FAM228A: variants seen among roughly 807,000 people sequenced by gnomAD.
FAM228A encodes family with sequence similarity 228 member A, also known as protein FAM228A.
Under a neutral mutation model 18.6 loss-of-function variants are expected in FAM228A, and 13 were observed. That is an observed-to-expected ratio of 0.70 (90% CI 0.45 to 1.11). The LOEUF is 1.11. Among genes scored for constraint, FAM228A ranks in the 50% least tolerant of loss-of-function variants. FAM228A has a pLI of 0.00. For synonymous variants in FAM228A, 77 were observed against 86.6 expected (o/e 0.89, Z 0.61); for missense variants, 240 against 242.2 (o/e 0.99, Z 0.06).
At chr2:24,183,886 C>G (rs1558404207) in intron 5 of FAM228A, among the ~76,000 whole-genome samples, 2 of 152,150 alleles carry the variant, frequency 1.3e-5, no homozygotes. Context: ...CCTGCCCCCT[C>G]CCGAGACAGT....
chr2:24,175,708 G>C, intron 2 of FAM228A, 135 bp downstream of exon 2: 1 of 778,684 alleles, frequency 1.3e-6, no homozygotes, highest in Non-Finnish European at 2.1e-6. Context: ...GAAGGGGAAT[G>C]TTCGGGCTCA....
rs1358766202 is a variant in FAM228A, at chr2:24,191,451, C to G, written c.*820C>G. 1.0e-6 allele frequency: 1 copy of G among 985,288 alleles called. No individual in the cohort carries two copies. The highest frequency in any genetic ancestry group is 1.2e-6 in the Non-Finnish European group (1 of 829,918). The allele number at this position is 985,288 out of a possible 1,614,324, so 61.0% of individuals were successfully genotyped here. A position where few individuals can be genotyped will look rare whatever the true frequency, so the allele number is the denominator to read the frequency against. On this transcript the variant is annotated 3_prime_UTR_variant, in exon 6 of 6. Transcript: ENST00000295150. ...TCCGTCTGTGGTAAGTTACCTGTGA[C>G]TCTTCAGCAGTTTCCTCTGAGCATA...
Position 24,190,604 on chromosome 2 carries a change from C to A in FAM228A, c.594C>A (p.His198Gln), listed in dbSNP as rs146891535. The A allele has an allele frequency of 6.0e-5, 96 of 1,588,498 alleles. 1 individual carries two copies. The highest frequency in any genetic ancestry group is 2.2e-4 in the Admixed American group (12 of 54,944). The change falls in exon 6 of 6, where the codon CAC becomes CAA. Residue 198 changes from histidine to glutamine, a missense_variant. His to Gln is a conservative substitution (Grantham distance 24). Transcript: ENST00000295150. ...RGWHAGLCSTHEQHILVPE is the reference protein window; with the variant it reads ...RGWHAGLCSTQEQHILVPE ...GGCATGCAGGGCTTTGCAGCACCCACGAGCAGCACATACTGGTTCCAGAAT... is the reference window on the plus strand; with the variant it reads ...GGCATGCAGGGCTTTGCAGCACCCAAGAGCAGCACATACTGGTTCCAGAAT...
At chr2:24,188,644 A>C in intron 5 of FAM228A, 1 of 985,414 alleles carries the variant, frequency 1.0e-6, no homozygotes, top group Non-Finnish European at 1.2e-6. Flanking sequence ...CTTGGTACTT[A>C]ATATTGGTGA....
intron 2 of FAM228A, among the ~76,000 whole-genome samples, chr2:24,177,020 T>A (rs1179154173): frequency 6.6e-6 from 1 of 152,230 alleles, no homozygotes; most frequent in African/African-American, 2.4e-5. Flanking sequence ...TGATGTTGTT[T>A]GGAGGCCATG....
At position 24,190,943 on chromosome 2, in the gene FAM228A, C is replaced by A. The variant is rs1457788423; in HGVS notation, c.*312C>A. 10 of 1,084,140 alleles carry A rather than the reference C, an allele frequency of 9.2e-6. No individual in the cohort carries two copies. Among genetic ancestry groups the A allele is most frequent in the Non-Finnish European group, 1.0e-5 (9 of 893,586 alleles). The allele number at this position is 1,084,140 out of a possible 1,614,324, so 67.2% of individuals were successfully genotyped here. On this transcript the variant is annotated 3_prime_UTR_variant, in exon 6 of 6. Transcript: ENST00000295150. ...GGGCCTTTGCCCTTCTGCCACTTTC[C>A]TACCATTTTCCACTTACTCCATCCA... is the stretch of plus-strand genomic sequence containing the variant.
In FAM228A at chr2:24,191,341, C is replaced by T; in HGVS notation, c.*710C>T. Reference sequence around the variant, plus strand: ...ATGGGGGACTGCTGCTGCTTTCCAGCCTGTGAGCCTGGATAGGTATTTTGT... The same window carrying T: ...ATGGGGGACTGCTGCTGCTTTCCAGTCTGTGAGCCTGGATAGGTATTTTGT... On this transcript the variant is annotated 3_prime_UTR_variant, in exon 6 of 6. Coordinates refer to ENST00000295150, the MANE Select transcript of FAM228A (RefSeq NM_001040710.3). The T allele has an allele frequency of 1.0e-6, 1 of 985,624 alleles. No individual in the cohort carries two copies. Among genetic ancestry groups the T allele is most frequent in the Non-Finnish European group, 1.2e-6 (1 of 830,106 alleles). 61.1% of individuals were successfully genotyped at this position (985,624 alleles called of 1,614,324 possible). A position where few individuals can be genotyped will look rare whatever the true frequency, so the allele number is the denominator to read the frequency against.
At chr2:24,188,649 T>A (rs945268592) in intron 5 of FAM228A, 1 of 985,272 alleles carries the variant, frequency 1.0e-6, no homozygotes, top group African/African-American at 1.7e-5. Flanking sequence ...TACTTAATAT[T>A]GGTGACCTGG....
Position 24,190,963 on chromosome 2 carries a change from C to T in FAM228A, c.*332C>T. ...CTTTCCTACCATTTTCCACTTACTC[C>T]ATCCAAACTGCACCAAAGATGGTGT... On this transcript the variant is annotated 3_prime_UTR_variant, in exon 6 of 6. Transcript: ENST00000295150. 9.5e-7 allele frequency: 1 copy of T among 1,057,250 alleles called. No homozygotes were observed. Among genetic ancestry groups the T allele is most frequent in the African/African-American group, 1.7e-5 (1 of 60,046 alleles). 65.5% of individuals were successfully genotyped at this position (1,057,250 alleles called of 1,614,324 possible).
intron 5 of FAM228A, among the ~76,000 whole-genome samples, chr2:24,186,394 A>G (rs538215572): frequency 1.3e-3 from 199 of 152,242 alleles, no homozygotes; most frequent in Non-Finnish European, 2.2e-3. Flanking sequence ...ACCAGTTAAG[A>G]TCTCTGGCAC....
intron 5 of FAM228A, among the ~76,000 whole-genome samples, 195 bp from the exon 6 acceptor site, chr2:24,190,217 C>A (rs970416328): frequency 2.0e-5 from 3 of 152,110 alleles, no homozygotes; most frequent in African/African-American, 4.8e-5. Context: ...CCCCAAGTCA[C>A]CACCTCCCTA....
intron 5 of FAM228A, among the ~76,000 whole-genome samples, chr2:24,189,053 C>T (rs11125478): frequency 4.6e-5 from 7 of 152,054 alleles, no homozygotes; most frequent in Non-Finnish European, 8.8e-5. Flanking sequence ...ATAGCCCCCC[C>T]ACCCCCACAA....
At chr2:24,186,574 A>G (rs574329029) in intron 5 of FAM228A, among the ~76,000 whole-genome samples, 1 of 152,012 alleles carries the variant, frequency 6.6e-6, no homozygotes, top group Non-Finnish European at 1.5e-5. Context: ...TTTGACATAT[A>G]TTAATTTTTA....
intron 1 of FAM228A, 65 bp downstream of exon 1, chr2:24,175,239 A>AG (rs1323617268): frequency 4.1e-6 from 2 of 487,178 alleles, no homozygotes; most frequent in African/African-American, 3.9e-5. Context: ...TGGCAGGGCC[A>AG]GGGGGGCGCG....
At chr2:24,177,896 CTA>C in intron 3 of FAM228A, 26 bp downstream of exon 3, 1 of 1,497,760 alleles carries the variant, frequency 6.7e-7, no homozygotes, top group Non-Finnish European at 9.3e-7. Flanking sequence ...ACGCTGCATT[CTA>C]CATATGTTCT....
intron 5 of FAM228A, among the ~76,000 whole-genome samples, chr2:24,188,848 T>C (rs1254301313): frequency 1.3e-5 from 2 of 152,224 alleles, no homozygotes; most frequent in African/African-American, 4.8e-5. Context: ...CAGACTTCTA[T>C]ATTCTACACA....
chr2:24,183,491 G>T lies in FAM228A; in HGVS notation c.251-4G>T. ...GTTGATTTCGATTTTTTATCTTCCT[G>T]TAGGAAAACGACATTCCATAAAAGA... On this transcript the variant is annotated splice_polypyrimidine_tract_variant and splice_region_variant and intron_variant, in intron 4 of 5. Transcript: ENST00000295150. The T allele has an allele frequency of 6.2e-7, 1 of 1,609,880 alleles. No homozygotes were observed. Among genetic ancestry groups the T allele is most frequent in the Non-Finnish European group, 8.5e-7 (1 of 1,178,136 alleles).
chr2:24,189,343 G>A (rs1485740318), intron 5 of FAM228A, among the ~76,000 whole-genome samples: 1 of 152,212 alleles, frequency 6.6e-6, no homozygotes, highest in Non-Finnish European at 1.5e-5. Context: ...AAGGAAGATT[G>A]ATTAACCATG....
chr2:24,183,544 G>A lies in FAM228A; in HGVS notation c.300G>A (p.Leu100=). Residue 100 remains leucine, a synonymous_variant, in exon 5 of 6, where the codon CTG becomes CTA. Coordinates refer to ENST00000295150, the MANE Select transcript of FAM228A (RefSeq NM_001040710.3). ...TTGAAGAAATAGAGAAGGCCAGGCTGCATGCCAGCTCGCCCTACTTCACTT... is the reference window on the plus strand; with the variant it reads ...TTGAAGAAATAGAGAAGGCCAGGCTACATGCCAGCTCGCCCTACTTCACTT... ...KELEEIEKAR[L]HASSPYFTFT... is the part of the protein sequence containing the mutation. The A allele has an allele frequency of 1.2e-6, 2 of 1,613,976 alleles. No individual in the cohort carries two copies. The highest frequency in any genetic ancestry group is 1.7e-5 in the Admixed American group (1 of 59,984).
Sources: gnomAD v4.1 joint callset for allele counts (sites outside exome capture counted in the v4.1 genomes callset) on GRCh38, gnomAD v4.1.1 for gene constraint, MANE v1.5 for transcripts, NCBI Gene and HGNC (gene_info 2026-07-23, HGNC 2026-07-21) for gene names.